The following IQCM variants were observed in gnomAD, a reference collection of about 807,000 sequenced individuals.
The protein encoded by IQCM is IQ domain-containing protein M.
IQCM carries 45 observed loss-of-function variants against 57.6 expected under a neutral mutation model. The ratio of observed to expected loss-of-function variants is 0.78; its 90% CI spans 0.62 to 1.00. IQCM has a LOEUF of 1.00. Among genes scored for constraint, IQCM ranks in the 50% least tolerant of loss-of-function variants. The pLI is 0.00. For synonymous variants in IQCM, 148 were observed against 158.9 expected (o/e 0.93, Z 0.51); for missense variants, 468 against 511.6 (o/e 0.91, Z 0.82).
chr4:149,395,469 A>T (rs1428107302), intron 13 of IQCM, among the ~76,000 whole-genome samples: 3 of 152,048 alleles, frequency 2.0e-5, no homozygotes, highest in Admixed American at 2.0e-4. Context: ...AGAATGATTT[A>T]CATATGAGCA....
intron 2 of IQCM, among the ~76,000 whole-genome samples, chr4:149,805,347 T>C (rs1773976815): frequency 6.6e-6 from 1 of 152,084 alleles, no homozygotes; most frequent in African/African-American, 2.4e-5. Flanking sequence ...AAATAAAAAA[T>C]GAGCAATGAA....
chr4:149,724,355 C>T (rs1765706468), intron 5 of IQCM, among the ~76,000 whole-genome samples: 1 of 151,962 alleles, frequency 6.6e-6, no homozygotes, highest in South Asian at 2.1e-4. Context: ...TTCTCCAGTG[C>T]CTTCTAGCTA....
intron 12 of IQCM, among the ~76,000 whole-genome samples, chr4:149,436,393 T>C (rs1190899230): frequency 2.0e-5 from 3 of 152,078 alleles, no homozygotes; most frequent in African/African-American, 4.8e-5. Context: ...ATGAAGTCAA[T>C]GGAGTGAGTG....
At chr4:149,552,801 C>T (rs1749162140) in intron 11 of IQCM, among the ~76,000 whole-genome samples, 1 of 152,116 alleles carries the variant, frequency 6.6e-6, no homozygotes. Flanking sequence ...CTTATCTATC[C>T]CCCAGAGGCA....
intron 12 of IQCM, among the ~76,000 whole-genome samples, chr4:149,436,363 T>C (rs1735366448): frequency 6.6e-6 from 1 of 152,112 alleles, no homozygotes. Flanking sequence ...CTTATCCTGA[T>C]TGAAGACTAA....
rs566940150 is a variant in IQCM at position 149,712,798 on chromosome 4, C to T, written c.385+20446G>A. Among the ~76,000 whole-genome samples, 6 of 152,272 alleles carry T rather than the reference C, an allele frequency of 3.9e-5. No homozygotes were observed. In the South Asian group the frequency reaches 1.2e-3, roughly 32 times the overall value. Reference sequence around the variant, plus strand: ...AGATTGTTCATGTCTCAGGAGGCTACTTTCCAAGAAATCCATGTCCCTGGA... The same window carrying T: ...AGATTGTTCATGTCTCAGGAGGCTATTTTCCAAGAAATCCATGTCCCTGGA... On this transcript the variant is annotated intron_variant, in intron 5 of 13. Coordinates refer to ENST00000636793, the MANE Select transcript of IQCM (RefSeq NM_001363507.2).
At chr4:149,671,718 C>T (rs534210538) in intron 7 of IQCM, among the ~76,000 whole-genome samples, 398 of 152,226 alleles carry the variant, frequency 2.6e-3, no homozygotes, top group African/African-American at 9.2e-3. Flanking sequence ...TTTATTTCTG[C>T]CTTCATTTCG....
At chr4:149,507,479 T>C (rs765144704) in intron 12 of IQCM, among the ~76,000 whole-genome samples, 6 of 152,164 alleles carry the variant, frequency 3.9e-5, no homozygotes, top group Non-Finnish European at 8.8e-5. Flanking sequence ...GAGGAACTTG[T>C]TGGGAATTGG....
chr4:149,385,283 C>T (rs544064532), intron 13 of IQCM, among the ~76,000 whole-genome samples: 1 of 151,948 alleles, frequency 6.6e-6, no homozygotes, highest in Non-Finnish European at 1.5e-5. Context: ...TCCTTAAAGG[C>T]CTTACAATCA....
intron 13 of IQCM, among the ~76,000 whole-genome samples, chr4:149,426,068 G>A (rs966407353): frequency 2.6e-5 from 4 of 151,864 alleles, no homozygotes; most frequent in African/African-American, 9.7e-5. Flanking sequence ...ACACTCCTAA[G>A]AATATTCTAA....
intron 8 of IQCM, among the ~76,000 whole-genome samples, chr4:149,616,715 C>G (rs929073397): frequency 5.3e-5 from 8 of 151,948 alleles, no homozygotes; most frequent in African/African-American, 9.7e-5. Flanking sequence ...GAACAACACA[C>G]ACAGGGCATG....
At chr4:149,700,974 A>G (rs1173618611) in intron 5 of IQCM, among the ~76,000 whole-genome samples, 3 of 152,004 alleles carry the variant, frequency 2.0e-5, no homozygotes, top group African/African-American at 7.2e-5. Context: ...CTGTAGTAGA[A>G]TTCATCTTTC....
chr4:149,633,494 A>G (rs1282231364), intron 7 of IQCM, among the ~76,000 whole-genome samples: 2 of 152,200 alleles, frequency 1.3e-5, no homozygotes, highest in Non-Finnish European at 2.9e-5. Flanking sequence ...ATTATTACTA[A>G]TAATTGAAAA....
chr4:149,534,083 C>A (rs1416142675), intron 12 of IQCM, among the ~76,000 whole-genome samples: 1 of 152,060 alleles, frequency 6.6e-6, no homozygotes, highest in Non-Finnish European at 1.5e-5. Flanking sequence ...ATCCTTTAAT[C>A]CATTCAAATC....
intron 2 of IQCM, among the ~76,000 whole-genome samples, chr4:149,751,112 G>A (rs1192451555): frequency 6.6e-6 from 1 of 152,188 alleles, no homozygotes; most frequent in Non-Finnish European, 1.5e-5. Context: ...GAGTTGATTT[G>A]TTTAGCCTCT....
chr4:149,472,106 G>A (rs1398675508), intron 12 of IQCM, among the ~76,000 whole-genome samples: 5 of 152,156 alleles, frequency 3.3e-5, no homozygotes, highest in African/African-American at 1.2e-4. Context: ...ACATAGTGTT[G>A]GAAGTTCTGG....
In IQCM at chr4:149,519,222, G is replaced by C. The variant is rs1745327359; in HGVS notation, c.1228+29233C>G. ...GTGATTCATTTTCTACTGGTGTTTA[G>C]TGAGTGTTTGACTGTACCATTTTGA... On this transcript the variant is annotated intron_variant, in intron 12 of 13. Transcript: ENST00000636793. Among the ~76,000 whole-genome samples the C allele has an allele frequency of 3.9e-5, 6 of 152,316 alleles. 1 individual carries two copies. The South Asian group carries it at 1.0e-3, about 26-fold the overall frequency.
chr4:149,602,118 A>C (rs936064614), intron 8 of IQCM, among the ~76,000 whole-genome samples: 1 of 152,002 alleles, frequency 6.6e-6, no homozygotes, highest in Non-Finnish European at 1.5e-5. Context: ...ATATACAAGG[A>C]AAAAACAATA....
At position 149,553,123 on chromosome 4, in the gene IQCM, G is replaced by A; in HGVS notation, c.1093+20C>T. ...TAACTCCAAACTTAAATTCAAACCA[G>A]AAGTGTCTGCATCACTTACATTTTT... On this transcript the variant is annotated intron_variant, in intron 11 of 13. Coordinates refer to ENST00000636793, the MANE Select transcript of IQCM (RefSeq NM_001363507.2). The A allele has an allele frequency of 1.6e-6, 2 of 1,230,766 alleles. No homozygotes were observed. The highest frequency in any genetic ancestry group is 2.0e-6 in the Non-Finnish European group (2 of 986,768). The allele number at this position is 1,230,766 out of a possible 1,614,324, so 76.2% of individuals were successfully genotyped here. A position where few individuals can be genotyped will look rare whatever the true frequency, so the allele number is the denominator to read the frequency against.
Sources: gnomAD v4.1 joint callset for allele counts (sites outside exome capture counted in the v4.1 genomes callset) on GRCh38, gnomAD v4.1.1 for gene constraint, MANE v1.5 for transcripts, NCBI Gene and HGNC (gene_info 2026-07-23, HGNC 2026-07-21) for gene names.